Variants in PRKCA observed in about 807,000 individuals in gnomAD.
PRKCA encodes protein kinase C alpha type.
Under a neutral mutation model 87.0 loss-of-function variants are expected in PRKCA, and 27 were observed. The ratio of observed to expected loss-of-function variants is 0.31; its 90% CI spans 0.23 to 0.43. The LOEUF is 0.43. Among genes scored for constraint, PRKCA ranks in the 20% least tolerant of loss-of-function variants. The pLI is 1.00. For missense variants in PRKCA, 518 were observed against 852.3 expected, an observed-to-expected ratio of 0.61 and a Z score of 4.88; for synonymous variants, 329 against 311.1, an observed-to-expected ratio of 1.06 and a Z score of -0.61.
intron 3 of PRKCA, among the ~76,000 whole-genome samples, chr17:66,557,799 A>C (rs1968546470): frequency 6.6e-6 from 1 of 152,152 alleles, no homozygotes; most frequent in African/African-American, 2.4e-5. Flanking sequence ...GGTAAAATCC[A>C]TCTGGGCAGA....
chr17:66,788,887 G>T lies in PRKCA; in HGVS notation c.1762G>T (p.Glu588Ter). The change falls in exon 16 of 17, where the codon GAG (glutamate) becomes TAG (stop). Residue 588 changes from glutamate (E) to a stop codon, truncating the protein, a stop_gained. Transcript: ENST00000413366. LOFTEE classifies it high-confidence loss of function. Reference sequence around the variant, plus strand: ...GCGGCTGGGCTGTGGGCCTGAGGGGGAGAGGGACGTGAGAGAGCATGCCTT... The same window carrying T: ...GCGGCTGGGCTGTGGGCCTGAGGGGTAGAGGGACGTGAGAGAGCATGCCTT... ...AKRLGCGPEGERDVREHAFFR... is the reference protein window; with the variant it reads ...AKRLGCGPEG The T allele has an allele frequency of 6.2e-7, 1 of 1,614,122 alleles. No homozygotes were observed. Among genetic ancestry groups the T allele is most frequent in the Non-Finnish European group, 8.5e-7 (1 of 1,179,992 alleles).
Position 66,641,343 on chromosome 17 carries a change from T to C in PRKCA, c.289-12T>C, listed in dbSNP as rs1224577623. 6.3e-7 allele frequency: 1 copy of C among 1,599,548 alleles called. No individual in the cohort carries two copies. The highest frequency in any genetic ancestry group is 1.1e-5 in the South Asian group (1 of 89,886). On this transcript the variant is annotated splice_polypyrimidine_tract_variant and intron_variant, in intron 3 of 16. Transcript: ENST00000413366. ...ATGACTAAAATGAGCATTGTGCTTC[T>C]TCTCCTCCCAGGACCCCAGGAGCAA...
intron 9 of PRKCA, among the ~76,000 whole-genome samples, 167 bp from the exon 10 acceptor site, chr17:66,735,322 G>C (rs1325745761): frequency 2.0e-5 from 3 of 152,188 alleles, no homozygotes; most frequent in African/African-American, 7.2e-5. Flanking sequence ...TGAATTTGTA[G>C]TGATGTGTAG....
chr17:66,517,200 C>T (rs1966995960), intron 3 of PRKCA, among the ~76,000 whole-genome samples: 1 of 152,164 alleles, frequency 6.6e-6, no homozygotes, highest in South Asian at 2.1e-4. Context: ...AGGAGAATCA[C>T]TTGAACCTGG....
At chr17:66,450,274 C>A (rs754278284) in intron 2 of PRKCA, among the ~76,000 whole-genome samples, 14 of 152,116 alleles carry the variant, frequency 9.2e-5, no homozygotes, top group Non-Finnish European at 1.9e-4. Context: ...CCCAGCCAGT[C>A]TGCAAGAATT....
chr17:66,771,886 C>T (rs1285555015), intron 13 of PRKCA, among the ~76,000 whole-genome samples: 4 of 152,212 alleles, frequency 2.6e-5, no homozygotes, highest in East Asian at 1.9e-4. Context: ...TGAGCCACCA[C>T]GCCCGCCGCT....
chr17:66,335,231 C>T (rs754844095), intron 2 of PRKCA, among the ~76,000 whole-genome samples: 1 of 152,088 alleles, frequency 6.6e-6, no homozygotes, highest in Non-Finnish European at 1.5e-5. Context: ...TGGCTCAAGC[C>T]ATCCTCCCGT....
chr17:66,622,937 G>A (rs1970731985), intron 3 of PRKCA, among the ~76,000 whole-genome samples: 2 of 152,338 alleles, frequency 1.3e-5, no homozygotes, highest in East Asian at 3.9e-4. Flanking sequence ...AATTCAAGAT[G>A]AGATTTGGGT....
At chr17:66,332,507 T>C (rs906019461) in intron 2 of PRKCA, among the ~76,000 whole-genome samples, 4 of 151,928 alleles carry the variant, frequency 2.6e-5, no homozygotes, top group African/African-American at 9.7e-5. Context: ...GGGTTACAGG[T>C]GTGAGCCATT....
chr17:66,689,683 C>A lies in PRKCA; in HGVS notation c.918+636C>A, dbSNP rs1472706176. Among the ~76,000 whole-genome samples the A allele has an allele frequency of 6.6e-6, 1 of 152,156 alleles. No individual in the cohort carries two copies. Among genetic ancestry groups the A allele is most frequent in the Non-Finnish European group, 1.5e-5 (1 of 68,024 alleles). ...TACTCCTCTTTTTCTTCTCCTCTCT[C>A]TCCCTTCTCCTCTTCATTTACCGAC... On this transcript the variant is annotated intron_variant, in intron 8 of 16. Transcript: ENST00000413366. This position sits in a 1 kb window ranked among gnomAD's most constrained non-coding sequence, Gnocchi z 4.1.
intron 3 of PRKCA, among the ~76,000 whole-genome samples, chr17:66,562,551 A>G (rs1968744745): frequency 6.6e-6 from 1 of 151,686 alleles, no homozygotes; most frequent in Non-Finnish European, 1.5e-5. Context: ...GTTATCTGAT[A>G]TTCCAGTGTA....
rs188282619 is a variant in PRKCA at position 66,790,760 on chromosome 17, G to T, written c.1854+1781G>T. ...CATGTCTTTTTCTATTTATTGCCAC[G>T]TTATGGCAGAAGAGAGTGTTTATTT... On this transcript the variant is annotated intron_variant, in intron 16 of 16. Transcript: ENST00000413366. Among the ~76,000 whole-genome samples the T allele has an allele frequency of 2.2e-3, 340 of 152,226 alleles. 2 individuals carry two copies. The highest frequency in any genetic ancestry group is 7.4e-3 in the African/African-American group (306 of 41,544).
At chr17:66,682,385 C>T (rs1200195916) in intron 5 of PRKCA, among the ~76,000 whole-genome samples, 1 of 152,256 alleles carries the variant, frequency 6.6e-6, no homozygotes, top group East Asian at 1.9e-4. Flanking sequence ...AATTACAGAA[C>T]AGACTTTCTA....
intron 3 of PRKCA, among the ~76,000 whole-genome samples, chr17:66,522,649 G>A (rs2144226368): frequency 6.6e-6 from 1 of 152,192 alleles, no homozygotes; most frequent in Non-Finnish European, 1.5e-5. Context: ...GCTGCCCAAG[G>A]CAAACTAGAA....
At chr17:66,799,626 T>C (rs1598956335) in intron 16 of PRKCA, among the ~76,000 whole-genome samples, 1 of 87,972 alleles carries the variant, frequency 1.1e-5, no homozygotes. Context: ...GTGGTGGTGA[T>C]GGTAATGGTG....
intron 3 of PRKCA, among the ~76,000 whole-genome samples, chr17:66,621,013 CT>C (rs760982920): frequency 6.6e-5 from 10 of 152,224 alleles, no homozygotes; most frequent in Non-Finnish European, 1.3e-4. Flanking sequence ...CTTTCAATGA[CT>C]TAGTTCTAGC....
At chr17:66,525,849 C>CT (rs1012935968) in intron 3 of PRKCA, among the ~76,000 whole-genome samples, 17 of 151,304 alleles carry the variant, frequency 1.1e-4, no homozygotes, top group South Asian at 6.3e-4. Context: ...CCAAAAGTCT[C>CT]TTTTTTTTTC....
chr17:66,497,411 A>T (rs916036947), intron 3 of PRKCA, among the ~76,000 whole-genome samples: 6 of 151,810 alleles, frequency 4.0e-5, no homozygotes, highest in African/African-American at 1.5e-4. Flanking sequence ...CAGGAGACTC[A>T]TTTGAACCCG....
At chr17:66,312,208 C>T (rs1019551620) in intron 2 of PRKCA, among the ~76,000 whole-genome samples, 1 of 152,168 alleles carries the variant, frequency 6.6e-6, no homozygotes, top group Non-Finnish European at 1.5e-5. Flanking sequence ...TCTTGAACTC[C>T]AGACCTTAGG....
Sources: gnomAD v4.1 joint callset for allele counts (sites outside exome capture counted in the v4.1 genomes callset) on GRCh38, gnomAD v4.1.1 for gene constraint, Gnocchi (gnomAD v3.1) non-coding constraint, MANE v1.5 for transcripts, NCBI Gene and HGNC (gene_info 2026-07-23, HGNC 2026-07-21) for gene names.